Variants in CSMD1 observed in about 807,000 individuals in gnomAD.
CSMD1 encodes CUB and sushi domain-containing protein 1.
Under a neutral mutation model 417.5 loss-of-function variants are expected in CSMD1, and 213 were observed. That is an observed-to-expected ratio of 0.51 (90% CI 0.46 to 0.57). The LOEUF (loss-of-function observed/expected upper bound fraction) is 0.57. CSMD1 is among the 20% of genes least tolerant of loss of function. The pLI, the probability that CSMD1 is intolerant of heterozygous loss-of-function variation, is 0.00. For missense variants in CSMD1, 6,923 were observed against 4,529.7 expected (o/e 1.53, Z -15.17); for synonymous variants, 2,862 against 1,736.8 (o/e 1.65, Z -16.11).
chr8:3,927,249 CAAAT>C (rs1809801170), intron 5 of CSMD1, among the ~76,000 whole-genome samples: 1 of 151,798 alleles, frequency 6.6e-6, no homozygotes, highest in Non-Finnish European at 1.5e-5. Context: ...CCAACAATTA[CAAAT>C]AAATATATAG....
chr8:3,695,380 G>A (rs116689392), intron 7 of CSMD1, among the ~76,000 whole-genome samples: 1,582 of 151,116 alleles, frequency 0.01, 23 homozygotes, highest in African/African-American at 0.034. Flanking sequence ...ATGACTCAAC[G>A]TGTCCTGTAT....
chr8:4,042,814 T>TAAAAAA (rs1563355345), intron 3 of CSMD1, among the ~76,000 whole-genome samples: 1 of 21,016 alleles, frequency 4.8e-5, no homozygotes, highest in Admixed American at 4.2e-4. Context: ...GTACAACATA[T>TAAAAAA]TAAAAAAAAA....
chr8:4,607,775 G>C (rs540144281), intron 2 of CSMD1, among the ~76,000 whole-genome samples: 1 of 152,166 alleles, frequency 6.6e-6, no homozygotes, highest in African/African-American at 2.4e-5. Flanking sequence ...TCTCTCTTGA[G>C]TAAATCCTCA....
At chr8:4,186,286 GC>G (rs1563241611) in intron 3 of CSMD1, among the ~76,000 whole-genome samples, 1 of 152,046 alleles carries the variant, frequency 6.6e-6, no homozygotes, top group Non-Finnish European at 1.5e-5. Context: ...AGAGAAGGAG[GC>G]CCGTGTTCAA....
intron 1 of CSMD1, among the ~76,000 whole-genome samples, chr8:4,917,524 C>T (rs1222189991): frequency 2.0e-5 from 3 of 152,126 alleles, no homozygotes; most frequent in African/African-American, 7.2e-5. Context: ...CTCCCAGCTA[C>T]TCGGGAAGCT....
chr8:4,333,137 A>G (rs1799970453), intron 3 of CSMD1, among the ~76,000 whole-genome samples: 2 of 152,092 alleles, frequency 1.3e-5, no homozygotes, highest in Admixed American at 1.3e-4. Context: ...ATCCAGCAAC[A>G]CCTGATTGAA....
In CSMD1 at chr8:3,543,011, T is replaced by A. The variant is rs1798505131; in HGVS notation, c.1344+31934A>T. Among the ~76,000 whole-genome samples the A allele has an allele frequency of 2.6e-5, 4 of 152,212 alleles. 1 individual carries two copies. The South Asian group carries it at 8.3e-4, about 32-fold the overall frequency. ...GCCCATCTGTGAGTAAAATCCCACT[T>A]CATGGCACCTGCTGTTTGTGGGTGT... is the stretch of plus-strand genomic sequence containing the variant. On this transcript the variant is annotated intron_variant, in intron 10 of 69. Transcript: ENST00000635120.
At chr8:4,229,334 G>T (rs1029341112) in intron 3 of CSMD1, among the ~76,000 whole-genome samples, 1 of 152,132 alleles carries the variant, frequency 6.6e-6, no homozygotes, top group Non-Finnish European at 1.5e-5. Flanking sequence ...AGTCCAATGT[G>T]CTTCTTTCTT....
chr8:3,611,087 T>TGGGGGGA (rs1801869496), intron 8 of CSMD1, among the ~76,000 whole-genome samples: 1 of 63,506 alleles, frequency 1.6e-5, no homozygotes, highest in African/African-American at 6.4e-5. Flanking sequence ...TGTTGTGGGG[T>TGGGGGGA]GGGGGGAGGG....
chr8:4,719,065 A>C (rs573840157), intron 1 of CSMD1, among the ~76,000 whole-genome samples: 20 of 152,266 alleles, frequency 1.3e-4, no homozygotes, highest in African/African-American at 4.6e-4. Context: ...AAAAAGAGAG[A>C]GAGCTAGAAT....
intron 3 of CSMD1, among the ~76,000 whole-genome samples, chr8:4,308,517 G>C (rs1359545807): frequency 6.6e-6 from 1 of 152,226 alleles, no homozygotes; most frequent in African/African-American, 2.4e-5. Context: ...GTACTTCAGA[G>C]ACCCTGCTGT....
At chr8:3,223,588 G>A (rs1013672816) in intron 28 of CSMD1, 141 bp downstream of exon 28, 1 of 748,932 alleles carries the variant, frequency 1.3e-6, no homozygotes, top group Non-Finnish European at 2.1e-6. Flanking sequence ...TCATTTTGCA[G>A]CCTGGTGTAG....
chr8:3,818,792 C>G (rs1265369159), intron 5 of CSMD1, among the ~76,000 whole-genome samples: 1 of 152,142 alleles, frequency 6.6e-6, no homozygotes, highest in East Asian at 1.9e-4. Flanking sequence ...AACACCCGAC[C>G]TACGTCCCTC....
chr8:3,721,817 AG>A (rs1802191401), intron 6 of CSMD1, among the ~76,000 whole-genome samples: 1 of 152,140 alleles, frequency 6.6e-6, no homozygotes, highest in African/African-American at 2.4e-5. Context: ...CCATTTTTTG[AG>A]AAATTAATTA....
chr8:3,114,294 A>G (rs1816721101), intron 42 of CSMD1, among the ~76,000 whole-genome samples: 1 of 151,948 alleles, frequency 6.6e-6, no homozygotes, highest in Non-Finnish European at 1.5e-5. Context: ...AAAACCTTGA[A>G]CGTTTGCTAA....
intron 6 of CSMD1, among the ~76,000 whole-genome samples, chr8:3,746,563 G>A (rs1797073872): frequency 6.6e-6 from 1 of 152,146 alleles, no homozygotes; most frequent in East Asian, 1.9e-4. Context: ...GAACTCAAAT[G>A]TTCATGTATT....
At chr8:4,378,738 G>T (rs1484738723) in intron 3 of CSMD1, among the ~76,000 whole-genome samples, 1 of 152,172 alleles carries the variant, frequency 6.6e-6, no homozygotes, top group Non-Finnish European at 1.5e-5. Context: ...GAGGCCTTTG[G>T]GAGATTATGA....
chr8:3,310,995 G>A (rs1441620950), intron 23 of CSMD1, among the ~76,000 whole-genome samples: 2 of 152,202 alleles, frequency 1.3e-5, no homozygotes, highest in African/African-American at 2.4e-5. Flanking sequence ...AAGTGGTCAA[G>A]ATGCCTACAC....
chr8:4,554,801 C>G (rs1377187762), intron 2 of CSMD1, among the ~76,000 whole-genome samples: 2 of 152,200 alleles, frequency 1.3e-5, no homozygotes, highest in African/African-American at 2.4e-5. Flanking sequence ...GCGTCCGTCC[C>G]TGTTGAGGCA....
Sources: gnomAD v4.1 joint callset for allele counts (sites outside exome capture counted in the v4.1 genomes callset) on GRCh38, gnomAD v4.1.1 for gene constraint, MANE v1.5 for transcripts, NCBI Gene and HGNC (gene_info 2026-07-23, HGNC 2026-07-21) for gene names.